Variants in COL10A1 observed in about 807,000 individuals in gnomAD.
COL10A1 encodes the protein collagen alpha-1(X) chain.
Under a neutral mutation model 18.2 loss-of-function variants are expected in COL10A1, and 10 were observed. The ratio of observed to expected loss-of-function variants is 0.55; its 90% CI spans 0.34 to 0.93. The LOEUF (loss-of-function observed/expected upper bound fraction) is 0.93. Ranked by LOEUF, COL10A1 falls within the 40% of genes least tolerant of loss-of-function variation. The probability of loss-of-function intolerance (pLI) is 0.02; values close to 1 mark genes in which losing one functional copy is unlikely to be tolerated. For synonymous variants in COL10A1, 330 were observed against 316.6 expected (o/e 1.04, Z -0.45); for missense variants, 897 against 853.5 (o/e 1.05, Z -0.64).
chr6:116,125,118 G>C (rs1190340835), intron 2 of COL10A1, among the ~76,000 whole-genome samples: 2 of 152,078 alleles, frequency 1.3e-5, no homozygotes, highest in African/African-American at 4.8e-5. Context: ...ATTTTTTGCA[G>C]GTATATCTTT....
chr6:116,145,629 T>C (rs1374251586), intron 1 of COL10A1: 2 of 162,320 alleles, frequency 1.2e-5, no homozygotes, highest in African/African-American at 4.8e-5. Flanking sequence ...TTACATAATC[T>C]ACTCTTAACA....
At chr6:116,162,627 C>G (rs567240757), upstream of COL10A1, among the ~76,000 whole-genome samples, 4 of 152,244 alleles carry the variant, frequency 2.6e-5, no homozygotes, top group South Asian at 8.3e-4. Context: ...ATAAAACCCA[C>G]TTGATCGTGA....
At chr6:116,197,695 A>G in the COL10A1 span, among the ~76,000 whole-genome samples, 2 of 152,100 alleles carry the variant, frequency 1.3e-5, no homozygotes, top group East Asian at 3.9e-4. Context: ...TAAGTTCCAC[A>G]TGTGAAAATA....
chr6:116,212,991 C>T, the COL10A1 span, among the ~76,000 whole-genome samples: 1 of 152,060 alleles, frequency 6.6e-6, no homozygotes, highest in Non-Finnish European at 1.5e-5. Flanking sequence ...AGCCTGTTTA[C>T]TTTTATTTCA....
chr6:116,120,272 T>A lies in COL10A1; in HGVS notation c.1844A>T (p.Tyr615Phe), dbSNP rs760612048. 3 of 1,614,126 alleles carry A rather than the reference T, an allele frequency of 1.9e-6. No homozygotes were observed. The East Asian group carries it at 6.7e-5, about 36-fold the overall frequency. Residue 615 changes from tyrosine (Y) to phenylalanine (F), a missense_variant, in exon 3 of 3, where the codon TAT becomes TTT. Coordinates refer to ENST00000651968, the MANE Select transcript of COL10A1 (RefSeq NM_000493.4). ...VKGTHVWVGL[Y>F]KNGTPVMYTY... ...GTACATTACAGGGGTGCCATTCTTA[T>A]ACAGGCCTACCCAAACATGAGTCCC...
In COL10A1 at chr6:116,143,007, G is replaced by A. The variant is rs1582831002; in HGVS notation, c.-16+15607C>T. 2.6e-5 allele frequency among the ~76,000 whole-genome samples: 4 copies of A among 152,208 alleles called. 1 individual carries two copies. Among genetic ancestry groups the A allele is most frequent in the Admixed American group, 2.6e-4 (4 of 15,294 alleles). ...TAAAATTATAGACATTATGGTTTGT[G>A]TCTTATTTGGAAGAAGACTATGGTT... On this transcript the variant is annotated intron_variant, in intron 1 of 1. Transcript: ENST00000418500.
the COL10A1 span, among the ~76,000 whole-genome samples, chr6:116,191,670 A>G: frequency 6.6e-6 from 1 of 152,078 alleles, no homozygotes; most frequent in Non-Finnish European, 1.5e-5. Context: ...AAGAAAATCC[A>G]TTGCTAAAAA....
rs752328564 is a variant in COL10A1 at position 116,125,430 on chromosome 6, G to A, written c.63C>T (p.Tyr21=). Residue 21 remains tyrosine, a synonymous_variant, in exon 2 of 3, where the codon TAC becomes TAT. Transcript: ENST00000651968. ...CTGTGGGCATTTGGTATCGTTCAGC[G>A]TAAAACACTCCATGAACCAAGTTCA... ...VSLNLVHGVF[Y]AERYQMPTGI... The A allele has an allele frequency of 2.1e-5, 34 of 1,613,648 alleles. No individual in the cohort carries two copies. In the East Asian group the frequency reaches 4.2e-4, roughly 20 times the overall value.
At chr6:116,139,101 A>C (rs62414126) in intron 1 of COL10A1, among the ~76,000 whole-genome samples, 11,243 of 152,198 alleles carry the variant, frequency 0.074, 603 homozygotes, top group Admixed American at 0.17. Flanking sequence ...TTTATAGCAC[A>C]ACTATTAAAA....
At chr6:116,170,149 T>A in the COL10A1 span, among the ~76,000 whole-genome samples, 1 of 152,088 alleles carries the variant, frequency 6.6e-6, no homozygotes, top group African/African-American at 2.4e-5. Flanking sequence ...GCCAGTGTCT[T>A]TATATATAAA....
intron 1 of COL10A1, among the ~76,000 whole-genome samples, chr6:116,143,753 A>C: frequency 6.6e-6 from 1 of 152,174 alleles, no homozygotes; most frequent in Non-Finnish European, 1.5e-5. Flanking sequence ...AAGCCTAGGA[A>C]GTAAGTTATT....
At chr6:116,140,488 G>T (rs1244127253) in intron 1 of COL10A1, among the ~76,000 whole-genome samples, 2 of 152,076 alleles carry the variant, frequency 1.3e-5, no homozygotes, top group African/African-American at 4.8e-5. Context: ...TTATGCTAAA[G>T]GTGAGGGATA....
intron 1 of COL10A1, chr6:116,137,569 G>T (rs554278069): frequency 9.3e-6 from 2 of 214,280 alleles, no homozygotes; most frequent in Non-Finnish European, 2.0e-5. Flanking sequence ...TTAGTCAAAG[G>T]CTGCGTTTTC....
At position 116,120,503 on chromosome 6, in the gene COL10A1, G is replaced by T. The variant is rs968858992; in HGVS notation, c.1613C>A (p.Pro538His). 2 of 1,614,218 alleles carry T rather than the reference G, an allele frequency of 1.2e-6. No individual in the cohort carries two copies. The highest frequency in any genetic ancestry group is 1.7e-6 in the Non-Finnish European group (2 of 1,180,034). The change falls in exon 3 of 3, where the codon CCT becomes CAT. Residue 538 changes from proline (P) to histidine (H), a missense_variant. By Grantham distance (77) the Pro-to-His change is moderately conservative. Coordinates refer to ENST00000651968, the MANE Select transcript of COL10A1 (RefSeq NM_000493.4). Reference sequence around the variant, plus strand: ...TACCCCCTGGTTGGCACTAACAAGAGGGGTCCCAGAAAGACTGGGCCTTTG... The same window carrying T: ...TACCCCCTGGTTGGCACTAACAAGATGGGTCCCAGAAAGACTGGGCCTTTG... The part of the protein sequence containing the change: ...AGQRPSLSGT[P>H]LVSANQGVTG...
At chr6:116,146,948 C>A (rs1779912530) in intron 1 of COL10A1, among the ~76,000 whole-genome samples, 1 of 149,516 alleles carries the variant, frequency 6.7e-6, no homozygotes, top group African/African-American at 2.5e-5. Context: ...AATTATAAAA[C>A]TACCAGTAGA....
chr6:116,173,699 T>C, the COL10A1 span, among the ~76,000 whole-genome samples: 1,120 of 152,302 alleles, frequency 7.4e-3, 7 homozygotes, highest in Non-Finnish European at 0.011. Flanking sequence ...GGTTGTCTTA[T>C]ACACTTTGTT....
At chr6:116,151,616 A>C (rs938172523) in intron 1 of COL10A1, among the ~76,000 whole-genome samples, 3 of 152,232 alleles carry the variant, frequency 2.0e-5, no homozygotes, top group African/African-American at 7.2e-5. Context: ...AATGCAGTAC[A>C]TGCAAATAAT....
chr6:116,168,917 T>A, the COL10A1 span, among the ~76,000 whole-genome samples: 1 of 152,216 alleles, frequency 6.6e-6, no homozygotes, highest in Admixed American at 6.5e-5. Flanking sequence ...CATTGAGAGC[T>A]GTATTATATC....
At chr6:116,174,830 C>G in the COL10A1 span, among the ~76,000 whole-genome samples, 2 of 152,118 alleles carry the variant, frequency 1.3e-5, no homozygotes, top group Non-Finnish European at 2.9e-5. Flanking sequence ...GCTAATTCAA[C>G]CTAATGGGAT....
Sources: gnomAD v4.1 joint callset for allele counts (sites outside exome capture counted in the v4.1 genomes callset) on GRCh38, gnomAD v4.1.1 for gene constraint, MANE v1.5 for transcripts, NCBI Gene and HGNC (gene_info 2026-07-23, HGNC 2026-07-21) for gene names.